The following DCAF17 variants were observed in gnomAD, a reference collection of about 807,000 sequenced individuals.
DCAF17 encodes DDB1 and CUL4 associated factor 17.
DCAF17 carries 48 observed loss-of-function variants against 66.0 expected under a neutral mutation model. The observed-to-expected ratio is 0.73, with a 90% CI of 0.58 to 0.92. DCAF17 has a LOEUF of 0.92. Among genes scored for constraint, DCAF17 ranks in the 40% least tolerant of loss-of-function variants. DCAF17 has a pLI of 0.00. For synonymous variants in DCAF17, 206 were observed against 214.6 expected (o/e 0.96, Z 0.35); for missense variants, 562 against 622.8 (o/e 0.90, Z 1.04).
At chr2:171,437,065 C>T (rs907953129) in intron 2 of DCAF17, among the ~76,000 whole-genome samples, 8 of 152,000 alleles carry the variant, frequency 5.3e-5, no homozygotes, top group African/African-American at 1.5e-4. Context: ...TGAGCCACCG[C>T]GTCCAGCCAC....
intron 4 of DCAF17, among the ~76,000 whole-genome samples, chr2:171,449,397 T>C (rs1694821734): frequency 6.6e-6 from 1 of 152,254 alleles, no homozygotes; most frequent in African/African-American, 2.4e-5. Flanking sequence ...CTACAAATAG[T>C]ATTTTCTATG....
intron 2 of DCAF17, among the ~76,000 whole-genome samples, chr2:171,437,118 T>G (rs1694020203): frequency 6.6e-6 from 1 of 152,192 alleles, no homozygotes; most frequent in Admixed American, 6.5e-5. Flanking sequence ...CTAAATTTTT[T>G]TCATTACTCA....
At chr2:171,476,263 A>G (rs1271421963) in intron 10 of DCAF17, among the ~76,000 whole-genome samples, 1 of 152,134 alleles carries the variant, frequency 6.6e-6, no homozygotes, top group African/African-American at 2.4e-5. Flanking sequence ...TTTTCTTTTA[A>G]TAGGCTTGAT....
At position 171,482,593 on chromosome 2, in the gene DCAF17, A is replaced by C. The variant is rs1271396051; in HGVS notation, c.*1479A>C. 2.2e-6 allele frequency: 1 copy of C among 454,126 alleles called. No individual in the cohort carries two copies. The highest frequency in any genetic ancestry group is 2.3e-5 in the Admixed American group (1 of 42,570). 28.1% of individuals were successfully genotyped at this position (454,126 alleles called of 1,614,324 possible). On this transcript the variant is annotated 3_prime_UTR_variant, in exon 14 of 14. Coordinates refer to ENST00000375255, the MANE Select transcript of DCAF17 (RefSeq NM_025000.4). ...TTTCAAAGCAGCTGCAATGCTGTGT[A>C]AAAGTAGAGTGTTCATTCTCCATTT... is the stretch of plus-strand genomic sequence containing the variant.
chr2:171,482,814 T>C lies in DCAF17; in HGVS notation c.*1700T>C, dbSNP rs2105304746. On this transcript the variant is annotated 3_prime_UTR_variant, in exon 14 of 14. Coordinates refer to ENST00000375255, the MANE Select transcript of DCAF17 (RefSeq NM_025000.4). ...TGGCTGCTTTTTTGCTGGGGGTAGA[T>C]GGTGGAATACTTCTGGTCTAGATAT... 1 of 454,052 alleles carries C rather than the reference T, an allele frequency of 2.2e-6. No individual in the cohort carries two copies. The highest frequency in any genetic ancestry group is 6.9e-5 in the East Asian group (1 of 14,390). The allele number at this position is 454,052 out of a possible 1,614,324, so 28.1% of individuals were successfully genotyped here. A position where few individuals can be genotyped will look rare whatever the true frequency, so the allele number is the denominator to read the frequency against.
At chr2:171,453,888 A>T (rs933251017) in intron 6 of DCAF17, among the ~76,000 whole-genome samples, 6 of 152,244 alleles carry the variant, frequency 3.9e-5, no homozygotes, top group African/African-American at 1.2e-4. Context: ...TTATAAGCAA[A>T]CAAGTTGAAT....
Position 171,483,378 on chromosome 2 carries a change from A to G in DCAF17, c.*2264A>G. 1 of 454,156 alleles carries G rather than the reference A, an allele frequency of 2.2e-6. No individual in the cohort carries two copies. The highest frequency in any genetic ancestry group is 4.4e-6 in the Non-Finnish European group (1 of 226,802). 28.1% of individuals were successfully genotyped at this position (454,156 alleles called of 1,614,324 possible). A position where few individuals can be genotyped will look rare whatever the true frequency, so the allele number is the denominator to read the frequency against. On this transcript the variant is annotated 3_prime_UTR_variant, in exon 14 of 14. Transcript: ENST00000375255. Reference sequence around the variant, plus strand: ...AATGCAAGCCCAGGTGAAGCAGGGTAGCTTCCATCAGCAGGTACAGACGTT... The same window carrying G: ...AATGCAAGCCCAGGTGAAGCAGGGTGGCTTCCATCAGCAGGTACAGACGTT...
intron 8 of DCAF17, among the ~76,000 whole-genome samples, chr2:171,459,050 C>T (rs887837447): frequency 2.0e-5 from 3 of 152,260 alleles, no homozygotes; most frequent in African/African-American, 7.2e-5. Flanking sequence ...TGGCTCATGC[C>T]CGTAATCCCA....
At chr2:171,453,470 C>G (rs1369189181) in intron 6 of DCAF17, among the ~76,000 whole-genome samples, 2 of 151,576 alleles carry the variant, frequency 1.3e-5, no homozygotes, top group Non-Finnish European at 2.9e-5. Context: ...TATGAAATTA[C>G]AAAATGAGTA....
At chr2:171,444,012 AAAAT>A (rs1162992510) in intron 3 of DCAF17, among the ~76,000 whole-genome samples, 4 of 152,190 alleles carry the variant, frequency 2.6e-5, no homozygotes, top group African/African-American at 9.6e-5. Flanking sequence ...GAAAATAATA[AAAAT>A]AAAATAATAG....
chr2:171,450,793 T>C lies in DCAF17; in HGVS notation c.537+836T>C, dbSNP rs180978563. On this transcript the variant is annotated intron_variant, in intron 5 of 13. Coordinates refer to ENST00000375255, the MANE Select transcript of DCAF17 (RefSeq NM_025000.4). ...CAGGCACTGATCTGAGTTCTTTACCTGTATTTACTAATTTGATCTTCAGCA... is the reference window on the plus strand; with the variant it reads ...CAGGCACTGATCTGAGTTCTTTACCCGTATTTACTAATTTGATCTTCAGCA... Among the ~76,000 whole-genome samples, 448 of 152,312 alleles carry C rather than the reference T, an allele frequency of 2.9e-3. 1 individual carries two copies. Among genetic ancestry groups the C allele is most frequent in the South Asian group, 5.0e-3 (24 of 4,830 alleles).
At position 171,480,135 on chromosome 2, in the gene DCAF17, A is replaced by G; in HGVS notation, c.1364A>G (p.His455Arg). ...GAAGGAAAAGCTCACCTGGATTTCCACTGTAATGAATATGGAACTTTACTT... is the reference window on the plus strand; with the variant it reads ...GAAGGAAAAGCTCACCTGGATTTCCGCTGTAATGAATATGGAACTTTACTT... ...DAEGKAHLDF[H>R]CNEYGTLLKS... Residue 455 changes from histidine to arginine, a missense_variant, in exon 13 of 14, where the codon CAC (histidine) becomes CGC (arginine). Coordinates refer to ENST00000375255, the MANE Select transcript of DCAF17 (RefSeq NM_025000.4). 2 of 1,613,850 alleles carry G rather than the reference A, an allele frequency of 1.2e-6. No individual in the cohort carries two copies. The highest frequency in any genetic ancestry group is 1.7e-6 in the Non-Finnish European group (2 of 1,179,822).
chr2:171,439,976 G>A (rs558672427), intron 2 of DCAF17, among the ~76,000 whole-genome samples: 2 of 152,102 alleles, frequency 1.3e-5, no homozygotes, highest in African/African-American at 4.8e-5. Flanking sequence ...CAAGAAATGA[G>A]GCGTTGCTTT....
Position 171,448,770 on chromosome 2 carries a change from G to A in DCAF17, c.411G>A (p.Thr137=), listed in dbSNP as rs747184081. The A allele has an allele frequency of 7.4e-6, 12 of 1,612,642 alleles. No homozygotes were observed. The East Asian group carries it at 1.1e-4, about 15-fold the overall frequency. The change falls in exon 4 of 14, where the codon ACG becomes ACA. Residue 137 remains threonine (T), a synonymous_variant. Transcript: ENST00000375255. ...GGCTACTTCGTATATCAGCAACTAC[G>A]GGAAAAATCCTTGAGAAAATATATC... ...HNWLLRISAT[T]GKILEKIYLA...
Position 171,483,706 on chromosome 2 carries a change from G to A in DCAF17, c.*2592G>A, listed in dbSNP as rs966949652. ...TCTATCTACTAGTCACTGTGATACA[G>A]TATAAGTAAAGTGGGTTGTCTCATT... On this transcript the variant is annotated 3_prime_UTR_variant, in exon 14 of 14. Transcript: ENST00000375255. 8 of 453,996 alleles carry A rather than the reference G, an allele frequency of 1.8e-5. No homozygotes were observed. The highest frequency in any genetic ancestry group is 3.5e-5 in the Non-Finnish European group (8 of 226,780). The allele number at this position is 453,996 out of a possible 1,614,324, so 28.1% of individuals were successfully genotyped here. A position where few individuals can be genotyped will look rare whatever the true frequency, so the allele number is the denominator to read the frequency against.
In DCAF17 at chr2:171,443,554, A is replaced by G; in HGVS notation, c.262A>G (p.Met88Val). 1 of 1,613,062 alleles carries G rather than the reference A, an allele frequency of 6.2e-7. No individual in the cohort carries two copies. Among genetic ancestry groups the G allele is most frequent in the East Asian group, 2.2e-5 (1 of 44,688 alleles). The change falls in exon 3 of 14, where the codon ATG becomes GTG. Residue 88 changes from methionine to valine, a missense_variant. Physicochemically the swap from Met to Val is conservative, Grantham distance 21. Transcript: ENST00000375255. Reference sequence around the variant, plus strand: ...ATCTGAGCCAAGAAAACTTTATGAAATGCCAAAATGTTCCAAATCAGAAAA... The same window carrying G: ...ATCTGAGCCAAGAAAACTTTATGAAGTGCCAAAATGTTCCAAATCAGAAAA... ...VASEPRKLYE[M>V]PKCSKSEKIE...
chr2:171,447,565 T>C (rs1694705718), intron 3 of DCAF17: 2 of 173,110 alleles, frequency 1.2e-5, no homozygotes, highest in Admixed American at 6.2e-5. Flanking sequence ...GGTTTCGCCA[T>C]GTTGGCCAGG....
chr2:171,439,149 C>G (rs1265180644), intron 2 of DCAF17, among the ~76,000 whole-genome samples: 1 of 151,896 alleles, frequency 6.6e-6, no homozygotes, highest in Non-Finnish European at 1.5e-5. Context: ...TCAAGATTTT[C>G]TCTTCACTTT....
chr2:171,440,655 T>C (rs1694255455), intron 2 of DCAF17, among the ~76,000 whole-genome samples: 1 of 152,112 alleles, frequency 6.6e-6, no homozygotes, highest in Non-Finnish European at 1.5e-5. Flanking sequence ...TTTATCTGAG[T>C]AGGAGTTCGG....
Sources: gnomAD v4.1 joint callset for allele counts (sites outside exome capture counted in the v4.1 genomes callset) on GRCh38, gnomAD v4.1.1 for gene constraint, MANE v1.5 for transcripts, NCBI Gene and HGNC (gene_info 2026-07-23, HGNC 2026-07-21) for gene names.